Variants in BRIP1 observed in about 807,000 individuals in gnomAD.
BRIP1 encodes Fanconi anemia group J protein.
BRIP1 carries 88 observed loss-of-function variants against 119.7 expected under a neutral mutation model. The observed-to-expected ratio is 0.74, with a 90% CI of 0.62 to 0.88. BRIP1 has a LOEUF of 0.88. BRIP1 is among the 40% of genes least tolerant of loss of function. The pLI, the probability that BRIP1 is intolerant of heterozygous loss-of-function variation, is 0.00. For missense variants in BRIP1, 1,259 were observed against 1,455.4 expected (o/e 0.87, Z 2.20); for synonymous variants, 443 against 496.5 (o/e 0.89, Z 1.43).
At chr17:61,719,694 C>T (rs2061940415) in intron 16 of BRIP1, among the ~76,000 whole-genome samples, 1 of 150,194 alleles carries the variant, frequency 6.7e-6, no homozygotes, top group African/African-American at 2.5e-5. Context: ...CACTGCACTC[C>T]AGCCTGGGTG....
Position 61,756,676 on chromosome 17 carries a change from G to A in BRIP1, c.2098-12085C>T, listed in dbSNP as rs987864755. The stretch of plus-strand genomic sequence containing the variant: ...AATAAGTTAGAATGCAACCTAGTGG[G>A]GAAATCCTGCATTTGCTCAATGTCC... On this transcript the variant is annotated intron_variant, in intron 14 of 19. Coordinates refer to ENST00000259008, the MANE Select transcript of BRIP1 (RefSeq NM_032043.3). This position sits in a 1 kb window ranked among gnomAD's most constrained non-coding sequence, Gnocchi z 4.3. Among the ~76,000 whole-genome samples, 2 of 152,126 alleles carry A rather than the reference G, an allele frequency of 1.3e-5. No individual in the cohort carries two copies. Among genetic ancestry groups the A allele is most frequent in the African/African-American group, 2.4e-5 (1 of 41,444 alleles).
intron 14 of BRIP1, among the ~76,000 whole-genome samples, chr17:61,773,556 A>T (rs1603325077): frequency 6.6e-6 from 1 of 152,190 alleles, no homozygotes; most frequent in African/African-American, 2.4e-5. Flanking sequence ...CCAAAATTGA[A>T]AAATGGGATC....
rs2061430856 is a variant in BRIP1, at chr17:61,690,419, A to G, written c.2575+3011T>C. ...TAAAAGGGTATAATTTGTGACTTTA[A>G]TAATAAAATGTGATGGGAAAAGTAA... On this transcript the variant is annotated intron_variant, in intron 18 of 19. Coordinates refer to ENST00000259008, the MANE Select transcript of BRIP1 (RefSeq NM_032043.3). This position sits in a 1 kb window ranked among gnomAD's most constrained non-coding sequence, Gnocchi z 5.6. Among the ~76,000 whole-genome samples the G allele has an allele frequency of 1.3e-5, 2 of 152,240 alleles. No homozygotes were observed. Among genetic ancestry groups the G allele is most frequent in the African/African-American group, 4.8e-5 (2 of 41,466 alleles).
At position 61,780,972 on chromosome 17, in the gene BRIP1, C is replaced by T. The variant is rs1060501749; in HGVS notation, c.1662G>A (p.Gln554=). 2 of 1,614,010 alleles carry T rather than the reference C, an allele frequency of 1.2e-6. No individual in the cohort carries two copies. The highest frequency in any genetic ancestry group is 1.1e-5 in the South Asian group (1 of 91,076). Residue 554 remains glutamine, a synonymous_variant, in exon 12 of 20, where the codon CAG becomes CAA. Coordinates refer to ENST00000259008, the MANE Select transcript of BRIP1 (RefSeq NM_032043.3). This position sits in a 1 kb window ranked among gnomAD's most constrained non-coding sequence, Gnocchi z 5.4. ...CAATCTGATTTGTCCAGGAGTAAGTCTGTTGAATCGCAATTTTATAATCAT... is the reference window on the plus strand; with the variant it reads ...CAATCTGATTTGTCCAGGAGTAAGTTTGTTGAATCGCAATTTTATAATCAT... The part of the protein sequence containing the change: ...FADDYKIAIQ[Q]TYSWTNQIDI...
rs2061903108 is a variant in BRIP1, at chr17:61,717,739, C to T, written c.2380-1676G>A. Among the ~76,000 whole-genome samples, 1 of 151,992 alleles carries T rather than the reference C, an allele frequency of 6.6e-6. No homozygotes were observed. Among genetic ancestry groups the T allele is most frequent in the Admixed American group, 6.6e-5 (1 of 15,254 alleles). On this transcript the variant is annotated intron_variant, in intron 16 of 19. Coordinates refer to ENST00000259008, the MANE Select transcript of BRIP1 (RefSeq NM_032043.3). This position sits in a 1 kb window ranked among gnomAD's most constrained non-coding sequence, Gnocchi z 4.1. ...CTATCAAACTTGAAAAATTTTCAGC[C>T]ATTATTTCTCTAAATATATATATTA...
At position 61,782,168 on chromosome 17, in the gene BRIP1, G is replaced by C. The variant is rs374954304; in HGVS notation, c.1629-1163C>G. Among the ~76,000 whole-genome samples the C allele has an allele frequency of 3.4e-3, 520 of 151,928 alleles. 4 individuals are homozygous for C. Among genetic ancestry groups the C allele is most frequent in the African/African-American group, 0.012 (504 of 41,476 alleles). ...TGGGAGGCCGAGGTGGGCGGATCACGAGGTCAGGAGATCGAGACCATTCTG... is the reference window on the plus strand; with the variant it reads ...TGGGAGGCCGAGGTGGGCGGATCACCAGGTCAGGAGATCGAGACCATTCTG... On this transcript the variant is annotated intron_variant, in intron 11 of 19. Coordinates refer to ENST00000259008, the MANE Select transcript of BRIP1 (RefSeq NM_032043.3).
rs924143208 is a variant in BRIP1 at position 61,828,816 on chromosome 17, T to C, written c.627+18285A>G. ...GGCTATGACAAATGTAGAAGTAAAA[T>C]ATTTGACAAAAATGGCACAAAACAT... On this transcript the variant is annotated intron_variant, in intron 6 of 19. Transcript: ENST00000259008. The surrounding 1 kb of genome is among the most constrained non-coding windows in gnomAD (Gnocchi z 4.1). 3.3e-5 allele frequency among the ~76,000 whole-genome samples: 5 copies of C among 152,100 alleles called. No homozygotes were observed. Among genetic ancestry groups the C allele is most frequent in the African/African-American group, 1.2e-4 (5 of 41,434 alleles).
At chr17:61,791,760 A>G (rs1011956746) in intron 10 of BRIP1, among the ~76,000 whole-genome samples, 1 of 152,104 alleles carries the variant, frequency 6.6e-6, no homozygotes, top group Non-Finnish European at 1.5e-5. Context: ...AATTCTTCCC[A>G]TGGGGAAAAG....
Position 61,848,191 on chromosome 17 carries a change from T to C in BRIP1, c.507+938A>G, listed in dbSNP as rs1348266215. Reference sequence around the variant, plus strand: ...TATTTTATGTTTTTATTTATTTATTTTTTAGAGACAGGGTCTTGCTCTGTC... The same window carrying C: ...TATTTTATGTTTTTATTTATTTATTCTTTAGAGACAGGGTCTTGCTCTGTC... On this transcript the variant is annotated intron_variant, in intron 5 of 19. Transcript: ENST00000259008. The surrounding 1 kb of genome is among the most constrained non-coding windows in gnomAD (Gnocchi z 4.3). Among the ~76,000 whole-genome samples the C allele has an allele frequency of 6.6e-6, 1 of 151,976 alleles. No individual in the cohort carries two copies. The highest frequency in any genetic ancestry group is 2.4e-5 in the African/African-American group (1 of 41,392).
intron 6 of BRIP1, among the ~76,000 whole-genome samples, chr17:61,813,731 A>G (rs530783262): frequency 3.9e-5 from 6 of 152,206 alleles, no homozygotes; most frequent in Non-Finnish European, 8.8e-5. Flanking sequence ...TTTTCATCTA[A>G]TATCCCATTT....
chr17:61,683,308 A>G lies in BRIP1; in HGVS notation c.3738T>C (p.Pro1246=). Residue 1246 remains proline, a synonymous_variant, in exon 20 of 20, where the codon CCT becomes CCC. Coordinates refer to ENST00000259008, the MANE Select transcript of BRIP1 (RefSeq NM_032043.3). This position sits in a 1 kb window ranked among gnomAD's most constrained non-coding sequence, Gnocchi z 4.7. ...PSPSKNKGMF[P]GFK ...GAGTTAAGTATTATTACTTAAAACC[A>G]GGAAACATGCCTTTATTTTTGGAAG... 1 of 1,609,470 alleles carries G rather than the reference A, an allele frequency of 6.2e-7. No individual in the cohort carries two copies. The highest frequency in any genetic ancestry group is 8.5e-7 in the Non-Finnish European group (1 of 1,176,302).
rs574284231 is a variant in BRIP1, at chr17:61,703,492, T to G, written c.2493-9980A>C. Among the ~76,000 whole-genome samples the G allele has an allele frequency of 2.0e-5, 3 of 152,374 alleles. No individual in the cohort carries two copies. In the South Asian group the frequency reaches 6.2e-4, roughly 32 times the overall value. ...TCCTTTGGCCACTTTTTAATGGGGT[T>G]GTTTTTTGCTTGTCAATTTAAGTTC... On this transcript the variant is annotated intron_variant, in intron 17 of 19. Transcript: ENST00000259008. The surrounding 1 kb of genome is among the most constrained non-coding windows in gnomAD (Gnocchi z 5.0).
chr17:61,847,974 C>T (rs1198916660), intron 5 of BRIP1, among the ~76,000 whole-genome samples: 2 of 152,068 alleles, frequency 1.3e-5, no homozygotes, highest in Non-Finnish European at 2.9e-5. Context: ...AGGTTCACAC[C>T]TCATTTGTCA....
rs2076959021 is a variant in BRIP1 at position 61,739,434 on chromosome 17, C to A, written c.2379+3579G>T. The A allele has an allele frequency of 5.4e-6, 1 of 183,804 alleles. No homozygotes were observed. Among genetic ancestry groups the A allele is most frequent in the Non-Finnish European group, 1.2e-5 (1 of 86,496 alleles). The allele number at this position is 183,804 out of a possible 1,614,324, so 11.4% of individuals were successfully genotyped here. A position where few individuals can be genotyped will look rare whatever the true frequency, so the allele number is the denominator to read the frequency against. Reference sequence around the variant, plus strand: ...AACTGGAGAAAGGTAGTAGAAACCACCAAAGTTACTGGAGGCTGAAAAAGT... The same window carrying A: ...AACTGGAGAAAGGTAGTAGAAACCAACAAAGTTACTGGAGGCTGAAAAAGT... On this transcript the variant is annotated intron_variant, in intron 16 of 19. Transcript: ENST00000259008. This position sits in a 1 kb window ranked among gnomAD's most constrained non-coding sequence, Gnocchi z 6.0.
chr17:61,862,582 A>AT lies in BRIP1; in HGVS notation c.-31+701dup, dbSNP rs1260894068. Among the ~76,000 whole-genome samples the AT allele has an allele frequency of 6.6e-6, 1 of 152,238 alleles. No individual in the cohort carries two copies. Among genetic ancestry groups the AT allele is most frequent in the Non-Finnish European group, 1.5e-5 (1 of 68,052 alleles). On this transcript the variant is annotated intron_variant, in intron 1 of 19. Transcript: ENST00000259008. The surrounding 1 kb of genome is among the most constrained non-coding windows in gnomAD (Gnocchi z 5.3). ...ACAATGACCTCTTGAAATTGCAAGC[A>AT]TAAGTTTCTGTACATGATTGCATTT...
chr17:61,793,789 A>C lies in BRIP1; in HGVS notation c.1341-60T>G. Reference sequence around the variant, plus strand: ...TCATCCTTACACACACTATTTCAGCAGAACAAGAGAATCATCATTATTGTC... The same window carrying C: ...TCATCCTTACACACACTATTTCAGCCGAACAAGAGAATCATCATTATTGTC... On this transcript the variant is annotated intron_variant, in intron 9 of 19. Coordinates refer to ENST00000259008, the MANE Select transcript of BRIP1 (RefSeq NM_032043.3). This position sits in a 1 kb window ranked among gnomAD's most constrained non-coding sequence, Gnocchi z 5.2. The C allele has an allele frequency of 6.6e-7, 1 of 1,522,438 alleles. No homozygotes were observed. Among genetic ancestry groups the C allele is most frequent in the South Asian group, 1.2e-5 (1 of 84,896 alleles). 94.3% of individuals were successfully genotyped at this position (1,522,438 alleles called of 1,614,324 possible). A position where few individuals can be genotyped will look rare whatever the true frequency, so the allele number is the denominator to read the frequency against.
Position 61,689,101 on chromosome 17 carries a change from TGGCGCCATCTC to T in BRIP1, c.2576-2947_2576-2937del, listed in dbSNP as rs1182521817. On this transcript the variant is annotated intron_variant, in intron 18 of 19. Coordinates refer to ENST00000259008, the MANE Select transcript of BRIP1 (RefSeq NM_032043.3). This position sits in a 1 kb window ranked among gnomAD's most constrained non-coding sequence, Gnocchi z 4.5. ...CTCTGTCGCCCAGGCTGGAGTGCAG[TGGCGCCATCTC>T]GGCTCACTGAAACCTCCGCCTCCCT... Among the ~76,000 whole-genome samples, 1 of 146,766 alleles carries T rather than the reference TGGCGCCATCTC, an allele frequency of 6.8e-6. No homozygotes were observed. The highest frequency in any genetic ancestry group is 2.0e-4 in the East Asian group (1 of 5,002).
chr17:61,693,349 G>A lies in BRIP1; in HGVS notation c.2575+81C>T. On this transcript the variant is annotated intron_variant, in intron 18 of 19. Transcript: ENST00000259008. This position sits in a 1 kb window ranked among gnomAD's most constrained non-coding sequence, Gnocchi z 4.2. ...ACTGTGCACTTAATAAGATAGTAGA[G>A]CTCATGTTATGTGTTTTTCACCACA... The A allele has an allele frequency of 8.3e-7, 1 of 1,206,182 alleles. No homozygotes were observed. The highest frequency in any genetic ancestry group is 1.2e-6 in the Non-Finnish European group (1 of 810,080). 74.7% of individuals were successfully genotyped at this position (1,206,182 alleles called of 1,614,324 possible).
intron 16 of BRIP1, among the ~76,000 whole-genome samples, chr17:61,727,022 A>G (rs2076774227): frequency 6.6e-6 from 1 of 152,234 alleles, no homozygotes; most frequent in African/African-American, 2.4e-5. Flanking sequence ...AGAAAGCAGT[A>G]AATAGAATCA....
Sources: gnomAD v4.1 joint callset for allele counts (sites outside exome capture counted in the v4.1 genomes callset) on GRCh38, gnomAD v4.1.1 for gene constraint, Gnocchi (gnomAD v3.1) non-coding constraint, MANE v1.5 for transcripts, NCBI Gene and HGNC (gene_info 2026-07-23, HGNC 2026-07-21) for gene names.